NCAPD3: variants seen among roughly 807,000 people sequenced by gnomAD.
The protein encoded by NCAPD3 is condensin-2 complex subunit D3.
A neutral mutation model predicts 182.9 loss-of-function variants in NCAPD3; 105 were observed. The observed-to-expected ratio is 0.57, with a 90% confidence interval of 0.49 to 0.68. NCAPD3 has a LOEUF of 0.68. NCAPD3 is among the 30% of genes least tolerant of loss of function. NCAPD3 has a pLI of 0.00. For missense variants in NCAPD3, 1,944 were observed against 1,837.0 expected (o/e 1.06, Z -1.07); for synonymous variants, 815 against 679.9 (o/e 1.20, Z -3.09).
At position 134,169,027 on chromosome 11, in the gene NCAPD3, C is replaced by T. The variant is rs1446016324; in HGVS notation, c.3129G>A (p.Leu1043=). 4 of 1,613,912 alleles carry T rather than the reference C, an allele frequency of 2.5e-6. No homozygotes were observed. Among genetic ancestry groups the T allele is most frequent in the East Asian group, 4.5e-5 (2 of 44,882 alleles). Residue 1043 remains leucine (L), a synonymous_variant, in exon 25 of 35, where the codon CTG becomes CTA. Transcript: ENST00000534548. ...ACATGACAGGGTTCCTCTTCAGTAA[C>T]AGGTGAGCCAGGCAAAACTCCCCGA... is the stretch of plus-strand genomic sequence containing the variant. ...ASFGEFCLAH[L]LLKRNPVMFF... is the part of the protein sequence containing the mutation.
Position 134,160,086 on chromosome 11 carries a change from C to G in NCAPD3, c.3685-12G>C. On this transcript the variant is annotated splice_polypyrimidine_tract_variant and intron_variant, in intron 28 of 34. Coordinates refer to ENST00000534548, the MANE Select transcript of NCAPD3 (RefSeq NM_015261.3). ...TCCTGCATCACCTCCTGAAACAGAG[C>G]CAGGAGCATCCTTTCATGTTTTCTT... 3 of 1,611,376 alleles carry G rather than the reference C, an allele frequency of 1.9e-6. No individual in the cohort carries two copies. The highest frequency in any genetic ancestry group is 1.7e-6 in the Non-Finnish European group (2 of 1,178,476).
Position 134,220,613 on chromosome 11 carries a change from T to C in NCAPD3, c.178A>G (p.Ser60Gly). 1 of 1,614,134 alleles carries C rather than the reference T, an allele frequency of 6.2e-7. No individual in the cohort carries two copies. Among genetic ancestry groups the C allele is most frequent in the Non-Finnish European group, 8.5e-7 (1 of 1,179,962 alleles). Reference protein sequence around the residue: ...GLAAFTKLYESLLPFATGEHG... With the variant: ...GLAAFTKLYEGLLPFATGEHG... ...TCTCCAGTAGCAAAGGGTAAAAGGC[T>C]TTCATAGAGTTTTGTGAATGCAGCC... is the stretch of plus-strand genomic sequence containing the variant. The change falls in exon 2 of 35, where the codon AGC becomes GGC. Residue 60 changes from serine to glycine, a missense_variant. Ser to Gly is a moderately conservative substitution (Grantham distance 56). This residue lies in a region of NCAPD3 where 131 missense variants were observed against 133.9 expected (regional missense o/e 0.98). Coordinates refer to ENST00000534548, the MANE Select transcript of NCAPD3 (RefSeq NM_015261.3).
Position 134,203,752 on chromosome 11 carries a change from G to A in NCAPD3, c.1370C>T (p.Ala457Val), listed in dbSNP as rs867163348. Residue 457 changes from alanine to valine, a missense_variant, in exon 11 of 35, where the codon GCG (alanine) becomes GTG (valine). Physicochemically the swap from Ala to Val is moderately conservative, Grantham distance 64. Transcript: ENST00000534548. The stretch of plus-strand genomic sequence containing the variant: ...CAGTGCCTTGCTGCGGACAGTAGGC[G>A]CCTTGTCTAAGCAACGATCAAACAT... ...EIMFDRCLDKAPTVRSKALSS... is the reference protein window; with the variant it reads ...EIMFDRCLDKVPTVRSKALSS... The A allele has an allele frequency of 5.0e-6, 8 of 1,613,986 alleles. No individual in the cohort carries two copies. The highest frequency in any genetic ancestry group is 2.2e-5 in the East Asian group (1 of 44,896).
intron 26 of NCAPD3, 91 bp downstream of exon 26, chr11:134,168,378 G>A (rs1357888544): frequency 6.4e-7 from 1 of 1,564,050 alleles, no homozygotes; most frequent in Non-Finnish European, 8.8e-7. Flanking sequence ...GCAGTGCCAG[G>A]GTCTCCCTTA....
intron 3 of NCAPD3, 114 bp downstream of exon 3, chr11:134,216,822 G>T: frequency 9.4e-7 from 1 of 1,060,612 alleles, no homozygotes; most frequent in East Asian, 2.5e-5. Context: ...CTCTGCCATG[G>T]GTTAGCACTG....
In NCAPD3 at chr11:134,184,808, TATACAC is replaced by T. The variant is rs1555136585; in HGVS notation, c.2336-62_2336-57del. The T allele has an allele frequency of 3.0e-4, 284 of 955,098 alleles. 1 individual carries two copies. The highest frequency in any genetic ancestry group is 1.9e-3 in the Admixed American group (87 of 45,638). The allele number at this position is 955,098 out of a possible 1,614,324, so 59.2% of individuals were successfully genotyped here. ...AACTGCTTAAATATATTCAGGTATA[TATACAC>T]ACACACACACACACACACACACACA... is the stretch of plus-strand genomic sequence containing the variant. On this transcript the variant is annotated intron_variant, in intron 18 of 34. Transcript: ENST00000534548.
chr11:134,217,053 G>A lies in NCAPD3; in HGVS notation c.265C>T (p.Leu89=), dbSNP rs746269208. ...ACAAAATGATAGAACAATGCCACCAGTGTACTATGGGAAACATTGTTCTCA... is the reference window on the plus strand; with the variant it reads ...ACAAAATGATAGAACAATGCCACCAATGTACTATGGGAAACATTGTTCTCA... ...FIENNVSHST[L]VALFYHFVQI... Residue 89 remains leucine (L), a synonymous_variant, in exon 3 of 35, where the codon CTG becomes TTG. Transcript: ENST00000534548. 4 of 1,613,780 alleles carry A rather than the reference G, an allele frequency of 2.5e-6. No individual in the cohort carries two copies. In the Admixed American group the frequency reaches 6.7e-5, roughly 27 times the overall value.
At chr11:134,211,750 A>G (rs1331414067) in intron 3 of NCAPD3, among the ~76,000 whole-genome samples, 1 of 152,176 alleles carries the variant, frequency 6.6e-6, no homozygotes, top group Non-Finnish European at 1.5e-5. Flanking sequence ...AAAAAGAAAC[A>G]TTCACTAGAT....
At position 134,204,143 on chromosome 11, in the gene NCAPD3, A is replaced by G. The variant is rs1463520523; in HGVS notation, c.1118T>C (p.Phe373Ser). The stretch of plus-strand genomic sequence containing the variant: ...CAGCTGGACTAGGGACTGGGCTGCA[A>G]AAGTACGATACTCTGATTTATCTAC... ...KVVDKSEYRT[F>S]AAQSLVQLLS... The change falls in exon 10 of 35, where the codon TTT (phenylalanine) becomes TCT (serine). Residue 373 changes from phenylalanine (F) to serine (S), a missense_variant. Transcript: ENST00000534548. This position sits in a 1 kb window ranked among gnomAD's most constrained non-coding sequence, Gnocchi z 4.3. The G allele has an allele frequency of 1.2e-6, 2 of 1,614,004 alleles. No individual in the cohort carries two copies. Among genetic ancestry groups the G allele is most frequent in the Non-Finnish European group, 1.7e-6 (2 of 1,180,030 alleles).
chr11:134,181,675 G>T (rs999671033), intron 19 of NCAPD3, among the ~76,000 whole-genome samples: 3 of 152,060 alleles, frequency 2.0e-5, no homozygotes, highest in African/African-American at 7.2e-5. Context: ...TAACTTCAAG[G>T]GGTGACTTCT....
At chr11:134,159,207 C>G (rs997349759) in intron 29 of NCAPD3, among the ~76,000 whole-genome samples, 1 of 152,176 alleles carries the variant, frequency 6.6e-6, no homozygotes, top group African/African-American at 2.4e-5. Context: ...CATATGGTAC[C>G]TCTACTTTTA....
chr11:134,174,914 A>C (rs936015442), intron 24 of NCAPD3, among the ~76,000 whole-genome samples: 1 of 152,246 alleles, frequency 6.6e-6, no homozygotes, highest in African/African-American at 2.4e-5. Context: ...GACTAACTTA[A>C]ATTACAGTTA....
intron 3 of NCAPD3, among the ~76,000 whole-genome samples, chr11:134,211,094 A>G (rs946236844): frequency 2.0e-5 from 3 of 152,240 alleles, no homozygotes; most frequent in Non-Finnish European, 4.4e-5. Flanking sequence ...AGGCTCAGAT[A>G]CATTTGAGTT....
At chr11:134,183,221 T>C (rs1944333189) in intron 19 of NCAPD3, 2 of 454,230 alleles carry the variant, frequency 4.4e-6, no homozygotes, top group African/African-American at 2.0e-5. Context: ...CGGTAGTAAG[T>C]TGTGTACCAC....
chr11:134,174,382 CAAAAAAAAAA>C (rs34533048), intron 24 of NCAPD3, among the ~76,000 whole-genome samples: 3 of 53,634 alleles, frequency 5.6e-5, no homozygotes, highest in Non-Finnish European at 9.5e-5. Context: ...GACCCTGTCT[CAAAAAAAAAA>C]AAAAAAAAAA....
rs1937621882 is a variant in NCAPD3 at position 134,206,677 on chromosome 11, C to A, written c.938G>T (p.Gly313Val). Reference protein sequence around the residue: ...MLSVILMLEVGEGSHRAPLAV... With the variant: ...MLSVILMLEVVEGSHRAPLAV... ...AAGGGGGGCACGATGGGATCCTTCACCAACTTCTAACATTAATATTACACT... is the reference window on the plus strand; with the variant it reads ...AAGGGGGGCACGATGGGATCCTTCAACAACTTCTAACATTAATATTACACT... Residue 313 changes from glycine (G) to valine (V), a missense_variant, in exon 8 of 35, where the codon GGT becomes GTT. This residue lies in a region of NCAPD3 where 1,803 missense variants were observed against 1,674.6 expected (regional missense o/e 1.08). Coordinates refer to ENST00000534548, the MANE Select transcript of NCAPD3 (RefSeq NM_015261.3). The A allele has an allele frequency of 6.2e-7, 1 of 1,613,438 alleles. No homozygotes were observed. The highest frequency in any genetic ancestry group is 1.3e-5 in the African/African-American group (1 of 74,974).
intron 16 of NCAPD3, among the ~76,000 whole-genome samples, chr11:134,187,416 C>G (rs1490309799): frequency 6.6e-6 from 1 of 152,190 alleles, no homozygotes; most frequent in Admixed American, 6.5e-5. Context: ...ACAAAGCATT[C>G]AAGTTGAAGC....
Position 134,202,708 on chromosome 11 carries a change from G to A in NCAPD3, c.1615+108C>T, listed in dbSNP as rs148708671. 3.8e-4 allele frequency: 311 copies of A among 808,504 alleles called. No individual in the cohort carries two copies. In the African/African-American group the frequency reaches 4.8e-3, roughly 13 times the overall value. The allele number at this position is 808,504 out of a possible 1,614,324, so 50.1% of individuals were successfully genotyped here. A position where few individuals can be genotyped will look rare whatever the true frequency, so the allele number is the denominator to read the frequency against. On this transcript the variant is annotated intron_variant, in intron 13 of 34. Coordinates refer to ENST00000534548, the MANE Select transcript of NCAPD3 (RefSeq NM_015261.3). ...CCAGCCAGCTGTTTCAACTCTTAGG[G>A]GTGAATAAATCAGAAAAAAAAAAAA...
At chr11:134,184,610 A>T in intron 19 of NCAPD3, 27 bp downstream of exon 19, 1 of 1,500,718 alleles carries the variant, frequency 6.7e-7, no homozygotes, top group Non-Finnish European at 9.1e-7. Flanking sequence ...AGAAGTCAGA[A>T]ACATGTCAGG....
Sources: allele counts gnomAD v4.1 joint callset (sites outside exome capture counted in the v4.1 genomes callset), GRCh38; gene constraint gnomAD v4.1.1; regional missense constraint gnomAD v4.1.1; non-coding constraint Gnocchi (gnomAD v3.1); transcripts MANE v1.5; gene names NCBI Gene and HGNC (gene_info 2026-07-23, HGNC 2026-07-21).